PTDSS1: variants seen among roughly 807,000 people sequenced by gnomAD.
PTDSS1 encodes phosphatidylserine synthase 1.
PTDSS1 carries 45 observed loss-of-function variants against 70.5 expected under a neutral mutation model. The observed-to-expected ratio is 0.64, with a 90% CI of 0.50 to 0.82. The LOEUF is 0.82. PTDSS1 is among the 40% of genes least tolerant of loss of function. The pLI, the probability that PTDSS1 is intolerant of heterozygous loss-of-function variation, is 0.00. For synonymous variants in PTDSS1, 188 were observed against 203.8 expected, an observed-to-expected ratio of 0.92 and a Z score of 0.66; for missense variants, 417 against 586.1, an observed-to-expected ratio of 0.71 and a Z score of 2.98.
chr8:96,278,922 A>C (rs556501653), intron 2 of PTDSS1, among the ~76,000 whole-genome samples: 2 of 149,694 alleles, frequency 1.3e-5, no homozygotes, highest in East Asian at 2.0e-4. Context: ...ACAGAACAAG[A>C]CCTCTTTTTT....
chr8:96,315,429 A>G (rs1316094444), intron 9 of PTDSS1, among the ~76,000 whole-genome samples: 2 of 152,130 alleles, frequency 1.3e-5, no homozygotes, highest in African/African-American at 4.8e-5. Context: ...TGGCAAGCCA[A>G]AATCTCTTCT....
chr8:96,333,413 C>G, intron 12 of PTDSS1, 44 bp from the exon 13 acceptor site: 1 of 1,549,702 alleles, frequency 6.5e-7, no homozygotes, highest in Middle Eastern at 1.7e-4. Flanking sequence ...AGTCACCAAT[C>G]TCCAGAGCCC....
At chr8:96,278,359 A>AT (rs1810680151) in intron 2 of PTDSS1, among the ~76,000 whole-genome samples, 1 of 152,202 alleles carries the variant, frequency 6.6e-6, no homozygotes, top group African/African-American at 2.4e-5. Flanking sequence ...CCTGAGCTAT[A>AT]TGGCAGAGGA....
intron 6 of PTDSS1, among the ~76,000 whole-genome samples, chr8:96,300,600 G>C (rs556309736): frequency 5.3e-5 from 8 of 152,270 alleles, no homozygotes; most frequent in Admixed American, 3.3e-4. Flanking sequence ...TGATAAGGAA[G>C]AATAATGGTA....
At chr8:96,276,111 T>G (rs954846347) in intron 2 of PTDSS1, among the ~76,000 whole-genome samples, 4 of 152,244 alleles carry the variant, frequency 2.6e-5, no homozygotes, top group African/African-American at 9.6e-5. Flanking sequence ...TGGCTCCTTA[T>G]GAAAAATTTG....
intron 10 of PTDSS1, among the ~76,000 whole-genome samples, chr8:96,329,885 A>G (rs1436277439): frequency 2.6e-5 from 4 of 152,242 alleles, no homozygotes; most frequent in Non-Finnish European, 5.9e-5. Flanking sequence ...GAACTAGAAC[A>G]TAGAATCCTC....
chr8:96,309,422 C>T (rs1811174102), intron 8 of PTDSS1, 135 bp from the exon 9 acceptor site: 1 of 656,348 alleles, frequency 1.5e-6, no homozygotes, highest in Non-Finnish European at 2.6e-6. Flanking sequence ...TTTCTCTTCT[C>T]TTGAACAGAA....
intron 3 of PTDSS1, among the ~76,000 whole-genome samples, chr8:96,285,187 T>G (rs1810804124): frequency 6.6e-6 from 1 of 152,188 alleles, no homozygotes; most frequent in Non-Finnish European, 1.5e-5. Context: ...GAGGGAGTGA[T>G]GCCAAGTCTG....
intron 10 of PTDSS1, 64 bp downstream of exon 10, chr8:96,320,409 G>A (rs912726735): frequency 7.3e-7 from 1 of 1,375,892 alleles, no homozygotes. Context: ...TTAAACGGAG[G>A]GGGGCAAAGA....
intron 9 of PTDSS1, among the ~76,000 whole-genome samples, chr8:96,320,030 G>A (rs568477746): frequency 2.6e-5 from 4 of 152,292 alleles, no homozygotes; most frequent in Non-Finnish European, 4.4e-5. Flanking sequence ...CACAATTTCG[G>A]TCTGGGAAGA....
intron 1 of PTDSS1, among the ~76,000 whole-genome samples, chr8:96,268,593 CAG>C (rs1297053851): frequency 6.6e-6 from 1 of 151,218 alleles, no homozygotes; most frequent in Non-Finnish European, 1.5e-5. Flanking sequence ...TAAATTGAGA[CAG>C]AATCGGAGTC....
intron 9 of PTDSS1, 104 bp from the exon 10 acceptor site, chr8:96,320,142 C>T (rs1299902167): frequency 6.2e-6 from 6 of 974,976 alleles, no homozygotes; most frequent in Admixed American, 2.0e-5. Flanking sequence ...AGGCAGAAAT[C>T]GCATGATGAG....
In PTDSS1 at chr8:96,330,284, A is replaced by G; in HGVS notation, c.1242+3A>G. ...AACACTATGGTCACCGAGAAAAGGT[A>G]TGGAAGGAGAGGCAGGCATGGCCAT... On this transcript the variant is annotated splice_donor_region_variant and intron_variant, in intron 11 of 12. Transcript: ENST00000517309. The G allele has an allele frequency of 1.2e-6, 2 of 1,607,240 alleles. No individual in the cohort carries two copies. The highest frequency in any genetic ancestry group is 1.7e-6 in the Non-Finnish European group (2 of 1,175,122).
rs776841178 is a variant in PTDSS1, at chr8:96,303,995, C to T, written c.753-45C>T. 5.4e-5 allele frequency: 84 copies of T among 1,558,022 alleles called. 1 individual carries two copies. The Admixed American group carries it at 1.4e-3, about 26-fold the overall frequency. ...TTTTTTCTTGTGCTTTGTTTTCCCC[C>T]TGCCTTATCTCTGGATTTTCACTGG... On this transcript the variant is annotated intron_variant, in intron 6 of 12. Transcript: ENST00000517309.
intron 9 of PTDSS1, among the ~76,000 whole-genome samples, chr8:96,318,081 T>C (rs899724497): frequency 1.9e-4 from 29 of 152,020 alleles, no homozygotes; most frequent in Admixed American, 5.2e-4. Context: ...TCCCAGCACT[T>C]TGGGAGGCTG....
At chr8:96,263,319 A>T (rs980252566) in intron 1 of PTDSS1, among the ~76,000 whole-genome samples, 4 of 152,182 alleles carry the variant, frequency 2.6e-5, no homozygotes, top group Non-Finnish European at 4.4e-5. Context: ...ATACTTTCTG[A>T]ATGAACCTCT....
At chr8:96,333,152 G>T (rs1489130635) in intron 12 of PTDSS1, among the ~76,000 whole-genome samples, 2 of 152,134 alleles carry the variant, frequency 1.3e-5, no homozygotes, top group Non-Finnish European at 2.9e-5. Flanking sequence ...CGTTTCACTT[G>T]TGCTCTCACT....
At chr8:96,281,643 C>T (rs1223928364) in intron 2 of PTDSS1, among the ~76,000 whole-genome samples, 2 of 152,162 alleles carry the variant, frequency 1.3e-5, no homozygotes, top group Non-Finnish European at 2.9e-5. Context: ...TAGCTTGTTT[C>T]TTTCCCCTCA....
intron 2 of PTDSS1, among the ~76,000 whole-genome samples, chr8:96,283,353 A>T (rs1376880236): frequency 6.6e-6 from 1 of 152,208 alleles, no homozygotes; most frequent in Non-Finnish European, 1.5e-5. Flanking sequence ...GTGCTTTTCC[A>T]TAGCTGTGAG....
Sources: gnomAD v4.1 joint callset for allele counts (sites outside exome capture counted in the v4.1 genomes callset) on GRCh38, gnomAD v4.1.1 for gene constraint, MANE v1.5 for transcripts, NCBI Gene and HGNC (gene_info 2026-07-23, HGNC 2026-07-21) for gene names.